The following EFCAB6 variants were observed in gnomAD, a reference collection of about 807,000 sequenced individuals.
The protein encoded by EFCAB6 is EF-hand calcium binding domain 6, also known as EF-hand calcium-binding domain-containing protein 6.
EFCAB6 carries 156 observed loss-of-function variants against 169.8 expected under a neutral mutation model. The observed-to-expected ratio is 0.92, with a 90% CI of 0.81 to 1.05. The LOEUF is 1.05. EFCAB6 is among the 50% of genes least tolerant of loss of function. The probability of loss-of-function intolerance (pLI) is 0.00; values close to 1 mark genes in which losing one functional copy is unlikely to be tolerated. For missense variants in EFCAB6, 1,800 were observed against 1,829.1 expected (o/e 0.98, Z 0.29); for synonymous variants, 698 against 676.4 (o/e 1.03, Z -0.50).
At chr22:43,661,844 C>T (rs192165545) in intron 17 of EFCAB6, among the ~76,000 whole-genome samples, 187 of 152,260 alleles carry the variant, frequency 1.2e-3, no homozygotes, top group African/African-American at 4.3e-3. Context: ...GTTGGCTGGG[C>T]GTGGCGGCAT....
chr22:43,730,010 T>A (rs941648243), intron 8 of EFCAB6, among the ~76,000 whole-genome samples: 6 of 149,926 alleles, frequency 4.0e-5, no homozygotes, highest in African/African-American at 1.2e-4. Context: ...TTTTTTTTTT[T>A]AAAGTTAGCC....
intron 2 of EFCAB6, among the ~76,000 whole-genome samples, chr22:43,793,473 G>C (rs532250414): frequency 5.6e-4 from 86 of 152,286 alleles, no homozygotes; most frequent in Non-Finnish European, 9.8e-4. Flanking sequence ...CCATTATTCA[G>C]CAAACACTGT....
intron 6 of EFCAB6, among the ~76,000 whole-genome samples, chr22:43,736,216 TA>T (rs980187398): frequency 6.6e-6 from 1 of 152,018 alleles, no homozygotes; most frequent in African/African-American, 2.4e-5. Flanking sequence ...CTTAGTAATT[TA>T]AAAAAAATCT....
At chr22:43,792,983 C>T (rs1382030473) in intron 2 of EFCAB6, among the ~76,000 whole-genome samples, 1 of 152,180 alleles carries the variant, frequency 6.6e-6, no homozygotes, top group African/African-American at 2.4e-5. Context: ...GCAGTGATTG[C>T]TGATGCACAG....
Position 43,773,037 on chromosome 22 carries a change from G to C in EFCAB6, c.206C>G (p.Thr69Ser), listed in dbSNP as rs765703117. 1.1e-5 allele frequency: 17 copies of C among 1,614,072 alleles called. No homozygotes were observed. The highest frequency in any genetic ancestry group is 1.4e-5 in the Non-Finnish European group (17 of 1,180,042). Residue 69 changes from threonine (T) to serine (S), a missense_variant, in exon 4 of 32, where the codon ACC (threonine) becomes AGC (serine). Coordinates refer to ENST00000262726, the MANE Select transcript of EFCAB6 (RefSeq NM_022785.4). ...DVKRILFQKI[T>S]DRGDELQKAF... ...TTTTTGCAACTCATCCCCTCTGTCG[G>C]TAATTTTTTGAAATAAAATCCGTTT...
intron 8 of EFCAB6, among the ~76,000 whole-genome samples, chr22:43,718,182 G>A (rs2059401429): frequency 6.6e-6 from 1 of 152,006 alleles, no homozygotes; most frequent in Non-Finnish European, 1.5e-5. Context: ...ATTATTTAGT[G>A]TTTTTGTGTT....
chr22:43,567,193 C>T (rs1436467970), intron 26 of EFCAB6, among the ~76,000 whole-genome samples: 1 of 152,122 alleles, frequency 6.6e-6, no homozygotes, highest in Non-Finnish European at 1.5e-5. Flanking sequence ...CCTCCTCAGC[C>T]ATACAGCTTG....
intron 10 of EFCAB6, among the ~76,000 whole-genome samples, chr22:43,694,234 T>C (rs1703041232): frequency 6.6e-6 from 1 of 151,926 alleles, no homozygotes; most frequent in Non-Finnish European, 1.5e-5. Flanking sequence ...AAAACATTTG[T>C]TGAAAAACAC....
intron 24 of EFCAB6, among the ~76,000 whole-genome samples, chr22:43,585,718 TGGA>T (rs1421816841): frequency 1.3e-5 from 2 of 152,042 alleles, no homozygotes; most frequent in African/African-American, 2.4e-5. Flanking sequence ...ATATTCAAAC[TGGA>T]GAAAACTAAA....
At chr22:43,753,302 C>T (rs2060837102) in intron 6 of EFCAB6, among the ~76,000 whole-genome samples, 1 of 152,074 alleles carries the variant, frequency 6.6e-6, no homozygotes, top group Non-Finnish European at 1.5e-5. Flanking sequence ...AGGTTGTGGC[C>T]AAAACGAAAA....
rs1376484939 is a variant in EFCAB6, at chr22:43,744,287, G to A, written c.508-8294C>T. Among the ~76,000 whole-genome samples, 1 of 152,052 alleles carries A rather than the reference G, an allele frequency of 6.6e-6. No homozygotes were observed. The highest frequency in any genetic ancestry group is 1.5e-5 in the Non-Finnish European group (1 of 68,004). ...ATGGATGAGTGGGTGGGTAGGTGGGGAGATTGCAAGCCAAGACAATCCTTG... is the reference window on the plus strand; with the variant it reads ...ATGGATGAGTGGGTGGGTAGGTGGGAAGATTGCAAGCCAAGACAATCCTTG... On this transcript the variant is annotated intron_variant, in intron 6 of 31. Coordinates refer to ENST00000262726, the MANE Select transcript of EFCAB6 (RefSeq NM_022785.4). The surrounding 1 kb of genome is among the most constrained non-coding windows in gnomAD (Gnocchi z 4.3).
At chr22:43,775,633 G>A (rs756099388) in intron 3 of EFCAB6, among the ~76,000 whole-genome samples, 4 of 152,276 alleles carry the variant, frequency 2.6e-5, no homozygotes, top group Admixed American at 1.3e-4. Context: ...TAATACAGAC[G>A]GGGTTTCACT....
chr22:43,605,741 G>T (rs1569235679), intron 22 of EFCAB6, among the ~76,000 whole-genome samples: 1 of 152,188 alleles, frequency 6.6e-6, no homozygotes, highest in Non-Finnish European at 1.5e-5. Context: ...CCACCGAGCT[G>T]TGTGCTTAAA....
At chr22:43,725,031 T>C (rs934283533) in intron 8 of EFCAB6, among the ~76,000 whole-genome samples, 1 of 152,026 alleles carries the variant, frequency 6.6e-6, no homozygotes, top group Non-Finnish European at 1.5e-5. Flanking sequence ...AAGTCCAAGG[T>C]CAAGGGACTG....
At chr22:43,792,807 A>G (rs2062353240) in intron 2 of EFCAB6, among the ~76,000 whole-genome samples, 1 of 152,220 alleles carries the variant, frequency 6.6e-6, no homozygotes, top group Admixed American at 6.5e-5. Context: ...ATGGTTGTCA[A>G]TGACCAAAGC....
chr22:43,572,803 G>A lies in EFCAB6; in HGVS notation c.3420+3494C>T, dbSNP rs2049973458. ...GCTCTGTCCCCCTCGCTAGAATGGGGGCTTCTGGAGGCAGGGACTGCATTT... is the reference window on the plus strand; with the variant it reads ...GCTCTGTCCCCCTCGCTAGAATGGGAGCTTCTGGAGGCAGGGACTGCATTT... On this transcript the variant is annotated intron_variant, in intron 26 of 31. Coordinates refer to ENST00000262726, the MANE Select transcript of EFCAB6 (RefSeq NM_022785.4). This position sits in a 1 kb window ranked among gnomAD's most constrained non-coding sequence, Gnocchi z 4.0. Among the ~76,000 whole-genome samples, 2 of 152,200 alleles carry A rather than the reference G, an allele frequency of 1.3e-5. No individual in the cohort carries two copies.
At chr22:43,568,716 G>T (rs1170415639) in intron 26 of EFCAB6, among the ~76,000 whole-genome samples, 1 of 152,150 alleles carries the variant, frequency 6.6e-6, no homozygotes, top group Non-Finnish European at 1.5e-5. Flanking sequence ...CTGCCATGGG[G>T]TGTGCTGCAT....
chr22:43,751,835 C>T (rs1180483276), intron 6 of EFCAB6, among the ~76,000 whole-genome samples: 1 of 152,216 alleles, frequency 6.6e-6, no homozygotes, highest in Non-Finnish European at 1.5e-5. Context: ...AACCTCTTTT[C>T]TCTCAGCTTC....
chr22:43,589,641 G>A (rs879262209), intron 24 of EFCAB6, among the ~76,000 whole-genome samples: 46 of 152,114 alleles, frequency 3.0e-4, no homozygotes, highest in Non-Finnish European at 5.7e-4. Context: ...TACAAAAATT[G>A]GCCAGGCGTG....
Sources: allele counts gnomAD v4.1 joint callset (sites outside exome capture counted in the v4.1 genomes callset), GRCh38; gene constraint gnomAD v4.1.1; non-coding constraint Gnocchi (gnomAD v3.1); transcripts MANE v1.5; gene names NCBI Gene and HGNC (gene_info 2026-07-23, HGNC 2026-07-21).